Variants in DAAM1 observed in about 807,000 individuals in gnomAD.
The protein encoded by DAAM1 is dishevelled associated activator of morphogenesis 1, also known as disheveled-associated activator of morphogenesis 1.
Under a neutral mutation model 130.0 loss-of-function variants are expected in DAAM1, and 52 were observed. That is an observed-to-expected ratio of 0.40 (90% CI 0.32 to 0.50). DAAM1 has a LOEUF of 0.50. DAAM1 is among the 20% of genes least tolerant of loss of function. DAAM1 has a pLI of 0.61. For synonymous variants in DAAM1, 452 were observed against 444.5 expected, an observed-to-expected ratio of 1.02 and a Z score of -0.21; for missense variants, 1,134 against 1,303.8, an observed-to-expected ratio of 0.87 and a Z score of 2.01.
intron 2 of DAAM1, among the ~76,000 whole-genome samples, chr14:59,284,602 A>G (rs1282880312): frequency 2.0e-5 from 3 of 152,174 alleles, no homozygotes; most frequent in African/African-American, 7.2e-5. Flanking sequence ...GAAAGATGAA[A>G]TAACCATTTT....
intron 1 of DAAM1, among the ~76,000 whole-genome samples, chr14:59,247,090 G>T (rs75007492): frequency 6.6e-6 from 1 of 152,130 alleles, no homozygotes; most frequent in Non-Finnish European, 1.5e-5. Flanking sequence ...TAAGGGTCCA[G>T]CCTCATTCTT....
chr14:59,291,329 G>C, intron 3 of DAAM1, 23 bp downstream of exon 3: 1 of 1,539,878 alleles, frequency 6.5e-7, no homozygotes, highest in Non-Finnish European at 8.9e-7. Context: ...TTGTGATTAT[G>C]GTTAACTGGA....
In DAAM1 at chr14:59,291,522, T is replaced by C. The variant is rs140436501; in HGVS notation, c.273+216T>C. The C allele has an allele frequency of 2.7e-3, 1,382 of 505,490 alleles. 31 individuals are homozygous for C. Among genetic ancestry groups the C allele is most frequent in the South Asian group, 0.026 (1,023 of 39,418 alleles). 31.3% of individuals were successfully genotyped at this position (505,490 alleles called of 1,614,324 possible). ...GGCTCTTTTCCACCTGTAACCATCA[T>C]TCATAATCATGTGTAACTGAAACCC... On this transcript the variant is annotated intron_variant, in intron 3 of 24. Transcript: ENST00000360909.
At chr14:59,300,472 C>A (rs1204908030) in intron 3 of DAAM1, among the ~76,000 whole-genome samples, 1 of 152,206 alleles carries the variant, frequency 6.6e-6, no homozygotes, top group African/African-American at 2.4e-5. Context: ...TTGACACTCT[C>A]AAAATTTCTA....
chr14:59,293,370 T>G (rs1322339209), intron 3 of DAAM1, among the ~76,000 whole-genome samples: 2 of 152,176 alleles, frequency 1.3e-5, no homozygotes, highest in Non-Finnish European at 2.9e-5. Flanking sequence ...CTGCTGCTCA[T>G]TTTTCAATTT....
In DAAM1 at chr14:59,290,029, G is replaced by A. The variant is rs58012204; in HGVS notation, c.184-1188G>A. 3.7e-3 allele frequency among the ~76,000 whole-genome samples: 564 copies of A among 152,200 alleles called. 2 individuals are homozygous for A. Among genetic ancestry groups the A allele is most frequent in the African/African-American group, 0.013 (529 of 41,484 alleles). ...GCAGGAATGCTACCTTTCAGGTACTGTGCTCAGTACCTTAGTGATGGGATC... is the reference window on the plus strand; with the variant it reads ...GCAGGAATGCTACCTTTCAGGTACTATGCTCAGTACCTTAGTGATGGGATC... On this transcript the variant is annotated intron_variant, in intron 2 of 24. Coordinates refer to ENST00000360909, the MANE Select transcript of DAAM1 (RefSeq NM_001270520.2).
intron 15 of DAAM1, among the ~76,000 whole-genome samples, chr14:59,333,350 A>T (rs1885513763): frequency 6.6e-6 from 1 of 152,206 alleles, no homozygotes; most frequent in Admixed American, 6.5e-5. Context: ...AGGGAAGATG[A>T]AAAAAACACA....
chr14:59,327,856 T>C (rs749991665), intron 12 of DAAM1, among the ~76,000 whole-genome samples: 1 of 152,224 alleles, frequency 6.6e-6, no homozygotes, highest in Non-Finnish European at 1.5e-5. Context: ...TGAATATGTC[T>C]TTGATATTAT....
At chr14:59,337,475 G>T (rs777229344) in intron 15 of DAAM1, among the ~76,000 whole-genome samples, 3 of 152,220 alleles carry the variant, frequency 2.0e-5, no homozygotes, top group African/African-American at 4.8e-5. Flanking sequence ...AGACCTTAAG[G>T]AATCTGCTGA....
chr14:59,305,203 A>G (rs1884328939), intron 3 of DAAM1, among the ~76,000 whole-genome samples: 2 of 152,226 alleles, frequency 1.3e-5, no homozygotes, highest in South Asian at 4.1e-4. Flanking sequence ...CCATGGTGAC[A>G]TGTGGATCAA....
chr14:59,293,204 G>A (rs1054573857), intron 3 of DAAM1, among the ~76,000 whole-genome samples: 1 of 152,194 alleles, frequency 6.6e-6, no homozygotes, highest in Non-Finnish European at 1.5e-5. Context: ...AAAGAAAAGG[G>A]CAGGAAAATA....
chr14:59,270,235 A>T (rs955595836), intron 2 of DAAM1, among the ~76,000 whole-genome samples: 2 of 152,142 alleles, frequency 1.3e-5, no homozygotes, highest in African/African-American at 2.4e-5. Flanking sequence ...ATAGAGAAAA[A>T]AATTATAGCT....
chr14:59,355,371 T>A, intron 20 of DAAM1, 38 bp downstream of exon 20: 4 of 1,611,290 alleles, frequency 2.5e-6, no homozygotes, highest in Non-Finnish European at 2.5e-6. Context: ...GGGAGCCAGG[T>A]GTGTAGGTCC....
chr14:59,267,431 C>T (rs1882491787), intron 2 of DAAM1, among the ~76,000 whole-genome samples: 1 of 151,884 alleles, frequency 6.6e-6, no homozygotes, highest in Admixed American at 6.6e-5. Context: ...GCAGGGGAAC[C>T]AGAATTAGTC....
At chr14:59,350,262 G>A (rs980103533) in intron 17 of DAAM1, among the ~76,000 whole-genome samples, 2 of 152,042 alleles carry the variant, frequency 1.3e-5, no homozygotes, top group East Asian at 3.9e-4. Context: ...CTTTCTTCTA[G>A]TCAGGACCCC....
At chr14:59,310,462 T>G (rs1884545378) in intron 3 of DAAM1, among the ~76,000 whole-genome samples, 1 of 152,134 alleles carries the variant, frequency 6.6e-6, no homozygotes, top group African/African-American at 2.4e-5. Flanking sequence ...ACAAGGTGAC[T>G]ATTTTGCTTA....
At chr14:59,242,698 A>G (rs953662425) in intron 1 of DAAM1, among the ~76,000 whole-genome samples, 3 of 152,092 alleles carry the variant, frequency 2.0e-5, no homozygotes, top group Non-Finnish European at 4.4e-5. Context: ...AGCTGGGACT[A>G]CAGGCACCCG....
chr14:59,232,724 C>T (rs1889150839), intron 1 of DAAM1, among the ~76,000 whole-genome samples: 1 of 151,360 alleles, frequency 6.6e-6, no homozygotes, highest in Admixed American at 6.6e-5. Context: ...TTTGCTGCAC[C>T]TATCAACCTG....
chr14:59,347,538 G>T lies in DAAM1; in HGVS notation c.2076-1G>T. 1 of 1,613,106 alleles carries T rather than the reference G, an allele frequency of 6.2e-7. No homozygotes were observed. Among genetic ancestry groups the T allele is most frequent in the Non-Finnish European group, 8.5e-7 (1 of 1,179,408 alleles). ...TTAATAACAAAATATTCTTTCTCCA[G>T]GTTGAAATTATCCAATGACGAAATC... On this transcript the variant is annotated splice_acceptor_variant, in intron 16 of 24. Coordinates refer to ENST00000360909, the MANE Select transcript of DAAM1 (RefSeq NM_001270520.2). LOFTEE classifies it high-confidence loss of function.
Sources: allele counts gnomAD v4.1 joint callset (sites outside exome capture counted in the v4.1 genomes callset), GRCh38; gene constraint gnomAD v4.1.1; transcripts MANE v1.5; gene names NCBI Gene and HGNC (gene_info 2026-07-23, HGNC 2026-07-21).